Variants in KSR1 observed in about 807,000 individuals in gnomAD.
KSR1 encodes kinase suppressor of ras 1, also known as kinase suppressor of ras.
KSR1 carries 35 observed loss-of-function variants against 92.9 expected under a neutral mutation model. That is an observed-to-expected ratio of 0.38 (90% CI 0.29 to 0.50). The LOEUF is 0.50. Ranked by LOEUF, KSR1 falls within the 20% of genes least tolerant of loss-of-function variation. KSR1 has a pLI of 0.94. For missense variants in KSR1, 972 were observed against 1,158.5 expected, an observed-to-expected ratio of 0.84 and a Z score of 2.34; for synonymous variants, 467 against 472.6, an observed-to-expected ratio of 0.99 and a Z score of 0.15.
rs1407659438 is a variant in KSR1, at chr17:27,620,893, T to G, written c.2628-300T>G. 4 of 276,010 alleles carry G rather than the reference T, an allele frequency of 1.4e-5. No homozygotes were observed. In the East Asian group the frequency reaches 2.4e-4, roughly 17 times the overall value. The allele number at this position is 276,010 out of a possible 1,614,324, so 17.1% of individuals were successfully genotyped here. A position where few individuals can be genotyped will look rare whatever the true frequency, so the allele number is the denominator to read the frequency against. ...CTGAGTCACAGATGGGGCTGTTCCCTGCCCAGCCCCTTCGAGGAAAGCATG... is the reference window on the plus strand; with the variant it reads ...CTGAGTCACAGATGGGGCTGTTCCCGGCCCAGCCCCTTCGAGGAAAGCATG... On this transcript the variant is annotated intron_variant, in intron 19 of 20. Coordinates refer to ENST00000644974, the MANE Select transcript of KSR1 (RefSeq NM_001394583.1).
intron 3 of KSR1, among the ~76,000 whole-genome samples, chr17:27,580,192 C>T (rs1211370212): frequency 6.6e-6 from 1 of 152,154 alleles, no homozygotes; most frequent in Non-Finnish European, 1.5e-5. Context: ...TGGTAGCAGG[C>T]TTACTCATAG....
At chr17:27,493,657 C>A (rs992243565) in intron 1 of KSR1, among the ~76,000 whole-genome samples, 3 of 152,160 alleles carry the variant, frequency 2.0e-5, no homozygotes, top group Non-Finnish European at 4.4e-5. Flanking sequence ...ATTTAAATAA[C>A]CTTTCCTTCT....
At chr17:27,460,171 T>A (rs1218327718) in intron 1 of KSR1, among the ~76,000 whole-genome samples, 2 of 152,186 alleles carry the variant, frequency 1.3e-5, no homozygotes, top group Non-Finnish European at 2.9e-5. Context: ...AATGTTCTTA[T>A]GCCCCAGTGT....
rs140953512 is a variant in KSR1, at chr17:27,599,552, G to A, written c.1469-1808G>A. 4.5e-3 allele frequency among the ~76,000 whole-genome samples: 683 copies of A among 152,310 alleles called. 4 individuals are homozygous for A. Among genetic ancestry groups the A allele is most frequent in the African/African-American group, 0.016 (656 of 41,556 alleles). ...AGCCTGGGTGACAGAGCAAGACTCT[G>A]TCTCTAAATCAGTCAATCAGTCAAT... On this transcript the variant is annotated intron_variant, in intron 10 of 20. Transcript: ENST00000644974.
At chr17:27,538,024 C>T (rs2070814384) in intron 1 of KSR1, among the ~76,000 whole-genome samples, 1 of 152,184 alleles carries the variant, frequency 6.6e-6, no homozygotes, top group African/African-American at 2.4e-5. Context: ...AAATTAGCTG[C>T]TCTTCGAGAT....
At chr17:27,502,357 A>G (rs1597894495) in intron 1 of KSR1, among the ~76,000 whole-genome samples, 1 of 152,352 alleles carries the variant, frequency 6.6e-6, no homozygotes, top group South Asian at 2.1e-4. Context: ...CAGTGGGTGG[A>G]GGGAGAGTGG....
At chr17:27,603,695 G>A (rs762891757) in intron 11 of KSR1, 139 bp from the exon 12 acceptor site, 2 of 811,314 alleles carry the variant, frequency 2.5e-6, no homozygotes, top group Admixed American at 2.1e-5. Flanking sequence ...GCTGGTCCTT[G>A]TGGGAGTGTC....
intron 1 of KSR1, among the ~76,000 whole-genome samples, chr17:27,509,340 G>T (rs1375844749): frequency 6.6e-6 from 1 of 151,912 alleles, no homozygotes; most frequent in African/African-American, 2.4e-5. Context: ...GCCCAGGCTG[G>T]GGTGCAGTGG....
At chr17:27,617,240 G>T in intron 18 of KSR1, 55 bp from the exon 19 acceptor site, 1 of 1,557,128 alleles carries the variant, frequency 6.4e-7, no homozygotes, top group Non-Finnish European at 8.7e-7. Context: ...CCCCTACTGT[G>T]TGCCCCCTCC....
chr17:27,619,649 A>G (rs547388782), intron 19 of KSR1, among the ~76,000 whole-genome samples: 1 of 151,952 alleles, frequency 6.6e-6, no homozygotes, highest in South Asian at 2.1e-4. Flanking sequence ...CACCCACCTC[A>G]GCCTCCCAAA....
chr17:27,555,568 T>C lies in KSR1; in HGVS notation c.372+4860T>C, dbSNP rs979146436. Among the ~76,000 whole-genome samples, 14 of 152,198 alleles carry C rather than the reference T, an allele frequency of 9.2e-5. No homozygotes were observed. In the Middle Eastern group the frequency reaches 0.01, roughly 111 times the overall value. On this transcript the variant is annotated intron_variant, in intron 2 of 20. Coordinates refer to ENST00000644974, the MANE Select transcript of KSR1 (RefSeq NM_001394583.1). ...TTCCGTGTGTAGCACTTCCTTTGCT[T>C]TCTGACACTACAGTATGCTTCAGCC...
Position 27,544,043 on chromosome 17 carries a change from G to A in KSR1, c.232-6525G>A, listed in dbSNP as rs146125172. Reference sequence around the variant, plus strand: ...AACACCACCCACGTCCGCTGCCGCCGCAAGAGTGTTTTCTGTGTTCCACAC... The same window carrying A: ...AACACCACCCACGTCCGCTGCCGCCACAAGAGTGTTTTCTGTGTTCCACAC... On this transcript the variant is annotated intron_variant, in intron 1 of 20. Transcript: ENST00000644974. Among the ~76,000 whole-genome samples the A allele has an allele frequency of 4.7e-3, 721 of 152,304 alleles. 7 individuals carry two copies. The highest frequency in any genetic ancestry group is 0.016 in the African/African-American group (682 of 41,556).
intron 18 of KSR1, among the ~76,000 whole-genome samples, chr17:27,612,430 C>T (rs2073946190): frequency 6.6e-6 from 1 of 152,168 alleles, no homozygotes; most frequent in East Asian, 1.9e-4. Context: ...ATAAGGTTGC[C>T]ATGGCCTTCG....
In KSR1 at chr17:27,547,955, C is replaced by T. The variant is rs887510783; in HGVS notation, c.232-2613C>T. On this transcript the variant is annotated intron_variant, in intron 1 of 20. Transcript: ENST00000644974. ...CTCGAACCTCTGATTTTAAGTGATCCACCTGCCTTGGCGTCCCAAAGTGCT... is the reference window on the plus strand; with the variant it reads ...CTCGAACCTCTGATTTTAAGTGATCTACCTGCCTTGGCGTCCCAAAGTGCT... Among the ~76,000 whole-genome samples the T allele has an allele frequency of 2.6e-5, 4 of 152,146 alleles. No individual in the cohort carries two copies. In the East Asian group the frequency reaches 7.7e-4, roughly 29 times the overall value.
At chr17:27,567,431 A>T (rs529528856) in intron 2 of KSR1, among the ~76,000 whole-genome samples, 4 of 152,224 alleles carry the variant, frequency 2.6e-5, no homozygotes, top group African/African-American at 4.8e-5. Flanking sequence ...TCTCTTTTTT[A>T]AAAAAAGTTG....
chr17:27,605,380 C>A (rs943625574), intron 13 of KSR1, 54 bp from the exon 14 acceptor site: 9 of 1,552,310 alleles, frequency 5.8e-6, no homozygotes, highest in Non-Finnish European at 7.8e-6. Flanking sequence ...AAGGAAGAGA[C>A]GTCGCAGAGC....
chr17:27,610,287 G>A (rs2151246184), intron 17 of KSR1, 89 bp downstream of exon 17: 3 of 1,566,840 alleles, frequency 1.9e-6, no homozygotes, highest in East Asian at 4.5e-5. Context: ...CATGCTTTTA[G>A]GTGTTGAAAA....
intron 1 of KSR1, among the ~76,000 whole-genome samples, chr17:27,535,008 G>A (rs372533849): frequency 6.6e-6 from 1 of 152,210 alleles, no homozygotes; most frequent in African/African-American, 2.4e-5. Flanking sequence ...AAAGCGTGTG[G>A]ATGTCCTTGT....
intron 4 of KSR1, among the ~76,000 whole-genome samples, chr17:27,585,280 C>T (rs1215305032): frequency 6.6e-6 from 1 of 152,186 alleles, no homozygotes; most frequent in Non-Finnish European, 1.5e-5. Context: ...CTGGGCCAGG[C>T]TCTCCCACTG....
Sources: gnomAD v4.1 joint callset for allele counts (sites outside exome capture counted in the v4.1 genomes callset) on GRCh38, gnomAD v4.1.1 for gene constraint, MANE v1.5 for transcripts, NCBI Gene and HGNC (gene_info 2026-07-23, HGNC 2026-07-21) for gene names.